CHST9: variants seen among roughly 807,000 people sequenced by gnomAD.
The protein encoded by CHST9 is carbohydrate sulfotransferase 9, also known as GalNAc-4-sulfotransferase 2.
Under a neutral mutation model 44.4 loss-of-function variants are expected in CHST9, and 41 were observed. That is an observed-to-expected ratio of 0.92 (90% confidence interval 0.72 to 1.20). CHST9 has a LOEUF of 1.20. Ranked by LOEUF, CHST9 falls within the 50% of genes most tolerant of loss-of-function variation. CHST9 has a pLI of 0.00. For synonymous variants in CHST9, 171 were observed against 178.4 expected, an observed-to-expected ratio of 0.96 and a Z score of 0.33; for missense variants, 504 against 516.5, an observed-to-expected ratio of 0.98 and a Z score of 0.23.
rs557346712 is a variant in CHST9 at position 26,980,623 on chromosome 18, C to G, written c.203-36257G>C. ...CCATTTTATATGTCAGGTTTCCTTC[C>G]TCTAAAAATTCTTAGGGTTTACCAC... On this transcript the variant is annotated intron_variant, in intron 4 of 5. Transcript: ENST00000618847. Among the ~76,000 whole-genome samples, 17 of 152,254 alleles carry G rather than the reference C, an allele frequency of 1.1e-4. No homozygotes were observed. In the South Asian group the frequency reaches 3.5e-3, roughly 32 times the overall value.
chr18:27,165,680 C>T (rs936349575), intron 1 of CHST9, among the ~76,000 whole-genome samples: 3 of 152,114 alleles, frequency 2.0e-5, no homozygotes, highest in East Asian at 1.9e-4. Flanking sequence ...ATAAAACTTC[C>T]GTAGTGATGC....
intron 4 of CHST9, among the ~76,000 whole-genome samples, chr18:26,968,736 T>C (rs1568113750): frequency 6.6e-6 from 1 of 152,232 alleles, no homozygotes; most frequent in Non-Finnish European, 1.5e-5. Context: ...TTTTCTTCTA[T>C]GACTTTTACA....
At chr18:27,162,664 A>G (rs2058757119) in intron 1 of CHST9, among the ~76,000 whole-genome samples, 1 of 152,206 alleles carries the variant, frequency 6.6e-6, no homozygotes, top group Admixed American at 6.5e-5. Flanking sequence ...CTGCCTTGCT[A>G]GATCCTTTAA....
At chr18:27,016,189 C>CT (rs1232578461) in intron 4 of CHST9, among the ~76,000 whole-genome samples, 2 of 152,202 alleles carry the variant, frequency 1.3e-5, no homozygotes, top group African/African-American at 4.8e-5. Flanking sequence ...AGGAGTGTGG[C>CT]TTGGCTTATA....
intron 4 of CHST9, among the ~76,000 whole-genome samples, chr18:26,995,361 C>T (rs1210683414): frequency 6.6e-6 from 1 of 151,360 alleles, no homozygotes. Context: ...TGGCATGAAC[C>T]CGGGAGGCGG....
At chr18:26,934,720 G>C (rs1163652601) in intron 5 of CHST9, 1 of 152,144 alleles carries the variant, frequency 6.6e-6, no homozygotes, top group East Asian at 1.9e-4. Flanking sequence ...AATTTCCTGA[G>C]GTAATTTCTG....
intron 1 of CHST9, among the ~76,000 whole-genome samples, chr18:27,182,742 A>T (rs1473277625): frequency 1.3e-5 from 2 of 152,204 alleles, no homozygotes; most frequent in African/African-American, 4.8e-5. Flanking sequence ...CTATCTGCTG[A>T]TTACATCCCA....
At chr18:27,156,870 A>G (rs531173084) in intron 1 of CHST9, among the ~76,000 whole-genome samples, 1 of 152,254 alleles carries the variant, frequency 6.6e-6, no homozygotes, top group East Asian at 1.9e-4. Flanking sequence ...ATTGTGACAA[A>G]TAATTTATAC....
At chr18:27,053,964 A>G (rs930965362) in intron 2 of CHST9, among the ~76,000 whole-genome samples, 2 of 152,046 alleles carry the variant, frequency 1.3e-5, no homozygotes, top group Non-Finnish European at 2.9e-5. Flanking sequence ...GTAACCTTTC[A>G]TTTACTCCTT....
At chr18:26,993,665 T>C (rs1388154626) in intron 4 of CHST9, among the ~76,000 whole-genome samples, 1 of 152,088 alleles carries the variant, frequency 6.6e-6, no homozygotes, top group Non-Finnish European at 1.5e-5. Flanking sequence ...TTTAGAAAAT[T>C]AAACACAATC....
chr18:26,990,550 G>C (rs2056804603), intron 4 of CHST9, among the ~76,000 whole-genome samples: 1 of 152,190 alleles, frequency 6.6e-6, no homozygotes, highest in African/African-American at 2.4e-5. Flanking sequence ...TTGGTAGTGA[G>C]CCTTAAAACT....
chr18:27,017,013 A>AATT (rs2057163005), intron 4 of CHST9, among the ~76,000 whole-genome samples: 1 of 152,216 alleles, frequency 6.6e-6, no homozygotes, highest in African/African-American at 2.4e-5. Flanking sequence ...TTGTGATATA[A>AATT]AGATCATTAT....
intron 2 of CHST9, 63 bp from the exon 3 acceptor site, chr18:27,048,566 T>G: frequency 1.4e-6 from 2 of 1,399,614 alleles, no homozygotes; most frequent in Non-Finnish European, 2.0e-6. Context: ...GAAAATAAGA[T>G]GAAAGCCCAG....
intron 5 of CHST9, among the ~76,000 whole-genome samples, chr18:26,938,480 G>C (rs2056032245): frequency 6.6e-6 from 1 of 152,144 alleles, no homozygotes; most frequent in South Asian, 2.1e-4. Flanking sequence ...CTCCATTAGT[G>C]CCAAACTTGC....
At chr18:26,926,927 G>C (rs933995220) in intron 5 of CHST9, among the ~76,000 whole-genome samples, 10 of 152,192 alleles carry the variant, frequency 6.6e-5, no homozygotes, top group African/African-American at 2.4e-4. Flanking sequence ...CATTTCATTG[G>C]ATTTTAGATA....
Position 26,917,346 on chromosome 18 carries a change from G to A in CHST9, c.245C>T (p.Pro82Leu), listed in dbSNP as rs1340141932. The A allele has an allele frequency of 1.2e-6, 2 of 1,608,338 alleles. No individual in the cohort carries two copies. Among genetic ancestry groups the A allele is most frequent in the Admixed American group, 3.4e-5 (2 of 59,258 alleles). Residue 82 changes from proline (P) to leucine (L), a missense_variant, in exon 6 of 6, where the codon CCC (proline) becomes CTC (leucine). By Grantham distance (98) the Pro-to-Leu change is moderately conservative (BLOSUM62 -3). Coordinates refer to ENST00000618847, the MANE Select transcript of CHST9 (RefSeq NM_031422.6). ...KIQEHITNQN[P>L]KFHMPEDVRE... Reference sequence around the variant, plus strand: ...TACATCCTCAGGCATGTGAAACTTGGGGTTCTGTTAAAATAAAGAAGGAGA... The same window carrying A: ...TACATCCTCAGGCATGTGAAACTTGAGGTTCTGTTAAAATAAAGAAGGAGA...
At chr18:27,063,982 A>G (rs530140367) in intron 2 of CHST9, among the ~76,000 whole-genome samples, 5 of 152,236 alleles carry the variant, frequency 3.3e-5, no homozygotes, top group African/African-American at 1.2e-4. Flanking sequence ...AATGTGCACA[A>G]TCCAATTATA....
intron 1 of CHST9, among the ~76,000 whole-genome samples, chr18:27,180,466 C>T (rs1046117590): frequency 2.0e-5 from 3 of 152,090 alleles, no homozygotes; most frequent in African/African-American, 4.8e-5. Context: ...GTCTGGTCCA[C>T]GATGACTACT....
At chr18:27,065,931 G>A (rs1186798612) in intron 2 of CHST9, among the ~76,000 whole-genome samples, 1 of 152,172 alleles carries the variant, frequency 6.6e-6, no homozygotes, top group Admixed American at 6.5e-5. Flanking sequence ...ATCAGAGAGT[G>A]TCTTGTTCTA....
Sources: allele counts gnomAD v4.1 joint callset (sites outside exome capture counted in the v4.1 genomes callset), GRCh38; gene constraint gnomAD v4.1.1; transcripts MANE v1.5; gene names NCBI Gene and HGNC (gene_info 2026-07-23, HGNC 2026-07-21).